Variants in LIME1 observed in about 807,000 individuals in gnomAD.
LIME1 encodes lck-interacting transmembrane adapter 1.
A neutral mutation model predicts 18.8 loss-of-function variants in LIME1; 23 were observed. That is an observed-to-expected ratio of 1.22 (90% CI 0.88 to 1.73). The LOEUF is 1.73. LIME1 is among the 40% of genes most tolerant of loss of function. The probability of loss-of-function intolerance (pLI) is 0.00; values close to 1 mark genes in which losing one functional copy is unlikely to be tolerated. For missense variants in LIME1, 423 were observed against 396.8 expected, an observed-to-expected ratio of 1.07 and a Z score of -0.56; for synonymous variants, 177 against 182.3, an observed-to-expected ratio of 0.97 and a Z score of 0.23.
At chr20:63,736,831 C>T (rs2091994918) in intron 1 of LIME1, 119 bp downstream of exon 1, 3 of 986,444 alleles carry the variant, frequency 3.0e-6, no homozygotes, top group African/African-American at 3.5e-5. Context: ...CCCCAAACTC[C>T]AGAGACCACC....
At chr20:63,735,847 C>G (rs145192304), upstream of LIME1, 6 of 1,612,726 alleles carry the variant, frequency 3.7e-6, no homozygotes, top group Non-Finnish European at 4.2e-6. Flanking sequence ...TGGGGCAGCT[C>G]CGGGCTCAGG....
intron 1 of LIME1, chr20:63,737,181 G>A: frequency 9.6e-7 from 1 of 1,037,174 alleles, no homozygotes; most frequent in East Asian, 7.8e-5. Context: ...GGTGGAGTCT[G>A]TGGCCTGTGG....
At position 63,738,902 on chromosome 20, in the gene LIME1, C is replaced by A; in HGVS notation, c.*2C>A. ...CCCCTCCCTGCCTCCCTGCCCTGAACACTCAAGGACCTGTGCTCCTTCCTC... is the reference window on the plus strand; with the variant it reads ...CCCCTCCCTGCCTCCCTGCCCTGAAAACTCAAGGACCTGTGCTCCTTCCTC... On this transcript the variant is annotated 3_prime_UTR_variant, in exon 6 of 6. Coordinates refer to ENST00000309546, the MANE Select transcript of LIME1 (RefSeq NM_017806.4). The A allele has an allele frequency of 1.3e-6, 2 of 1,588,682 alleles. No individual in the cohort carries two copies. Among genetic ancestry groups the A allele is most frequent in the Non-Finnish European group, 1.7e-6 (2 of 1,168,098 alleles).
chr20:63,737,318 C>T, intron 1 of LIME1: 5 of 1,283,520 alleles, frequency 3.9e-6, no homozygotes, highest in Non-Finnish European at 4.9e-6. Context: ...AGGGGCCAGG[C>T]AGAGCAGCCC....
chr20:63,737,896 G>T lies in LIME1; in HGVS notation c.174G>T (p.Ala58=), dbSNP rs1333758816. The change falls in exon 3 of 6, where the codon GCG becomes GCT. Residue 58 remains alanine, a synonymous_variant. Transcript: ENST00000309546. ...GGCTGCAGGGCAGTGCGACGGCGGC[G>T]GAAGCGGTGAGTGCCAGGCTGTCCC... The part of the protein sequence containing the change: ...RARLQGSATA[A]EASLLRRTHL... 6.3e-7 allele frequency: 1 copy of T among 1,580,918 alleles called. No individual in the cohort carries two copies. The highest frequency in any genetic ancestry group is 8.6e-7 in the Non-Finnish European group (1 of 1,167,858).
upstream of LIME1, chr20:63,735,904 G>A: frequency 6.2e-7 from 1 of 1,612,646 alleles, no homozygotes. Context: ...CCCACAAGAA[G>A]ATGACTGAGT....
Position 63,738,665 on chromosome 20 carries a change from T to C in LIME1, c.653T>C (p.Leu218Pro). ...GACCCAGGACCCACCACAGACCCGC[T>C]GGACCCCAAGGGCCAGGGAGCGATT... ...RRDPGPTTDP[L>P]DPKGQGAILA... is the part of the protein sequence containing the mutation. The change falls in exon 6 of 6, where the codon CTG (leucine) becomes CCG (proline). Residue 218 changes from leucine to proline, a missense_variant. Leu to Pro is a moderately conservative substitution (Grantham distance 98). Coordinates refer to ENST00000309546, the MANE Select transcript of LIME1 (RefSeq NM_017806.4). The C allele has an allele frequency of 6.2e-7, 1 of 1,612,056 alleles. No individual in the cohort carries two copies. The highest frequency in any genetic ancestry group is 1.1e-5 in the South Asian group (1 of 91,046).
intron 4 of LIME1, 52 bp from the exon 5 acceptor site, chr20:63,738,131 A>AC (rs1409098874): frequency 1.3e-6 from 2 of 1,526,182 alleles, no homozygotes; most frequent in African/African-American, 2.8e-5. Flanking sequence ...CCTGGGCCAG[A>AC]CCCGCTCCTG....
chr20:63,737,398 G>T (rs1202480058), intron 1 of LIME1, 135 bp from the exon 2 acceptor site: 2 of 1,353,848 alleles, frequency 1.5e-6, no homozygotes, highest in African/African-American at 1.5e-5. Context: ...CCAGGCCTTG[G>T]GGCTTCCTGT....
chr20:63,738,567 A>G (rs1484235155), intron 5 of LIME1, 31 bp from the exon 6 acceptor site: 28 of 1,531,286 alleles, frequency 1.8e-5, no homozygotes, highest in Non-Finnish European at 2.5e-5. Context: ...GATGGTGCTG[A>G]CCCCTCCTCG....
chr20:63,737,765 G>A, intron 2 of LIME1, 56 bp from the exon 3 acceptor site: 2 of 1,423,798 alleles, frequency 1.4e-6, no homozygotes, highest in Non-Finnish European at 1.8e-6. Flanking sequence ...GCCTGCACCG[G>A]GCCTTGGACC....
chr20:63,736,928 A>G, intron 1 of LIME1: 1 of 985,602 alleles, frequency 1.0e-6, no homozygotes, highest in Non-Finnish European at 1.2e-6. Flanking sequence ...AAGATCCCCA[A>G]GAAGGGGACA....
At chr20:63,736,441 C>T (rs1212171278), upstream of LIME1, 5 of 225,282 alleles carry the variant, frequency 2.2e-5, no homozygotes, top group Non-Finnish European at 3.1e-5. Flanking sequence ...GGTTCTGTGC[C>T]AGCTCTGCTC....
At position 63,738,012 on chromosome 20, in the gene LIME1, T is replaced by C. The variant is rs1187355793; in HGVS notation, c.220T>C (p.Ser74Pro). The C allele has an allele frequency of 3.8e-6, 6 of 1,568,870 alleles. No individual in the cohort carries two copies. The highest frequency in any genetic ancestry group is 5.2e-6 in the Non-Finnish European group (6 of 1,161,446). Residue 74 changes from serine to proline, a missense_variant, in exon 4 of 6, where the codon TCG becomes CCG. By Grantham distance (74) the Ser-to-Pro change is moderately conservative (BLOSUM62 -1). Transcript: ENST00000309546. ...GACCCACCTCTGCTCCCTCAGCAAG[T>C]CGGACACCAGACTGCACGAGCTGCA... Reference protein sequence around the residue: ...RRTHLCSLSKSDTRLHELHRG... With the variant: ...RRTHLCSLSKPDTRLHELHRG...
chr20:63,738,988 C>G lies in LIME1; in HGVS notation c.*88C>G. On this transcript the variant is annotated 3_prime_UTR_variant, in exon 6 of 6. Transcript: ENST00000309546. Reference sequence around the variant, plus strand: ...ACAGCTGACAGCGCCAGTCCCAGGTCCCCGGGCTGCCAGCCCGTGAGGTCC... The same window carrying G: ...ACAGCTGACAGCGCCAGTCCCAGGTGCCCGGGCTGCCAGCCCGTGAGGTCC... The G allele has an allele frequency of 4.7e-6, 6 of 1,277,698 alleles. 1 individual carries two copies. The highest frequency in any genetic ancestry group is 6.3e-6 in the Non-Finnish European group (6 of 947,712). The allele number at this position is 1,277,698 out of a possible 1,614,324, so 79.1% of individuals were successfully genotyped here.
chr20:63,737,787 A>AGCCCC, intron 2 of LIME1, 34 bp from the exon 3 acceptor site: 8 of 1,322,750 alleles, frequency 6.0e-6, no homozygotes, highest in Non-Finnish European at 8.0e-6. Flanking sequence ...GAGGCTGACG[A>AGCCCC]CCCCGCCCCC....
At chr20:63,736,532 C>T (rs532196196), upstream of LIME1, 13 of 803,954 alleles carry the variant, frequency 1.6e-5, no homozygotes, top group Admixed American at 1.2e-4. Context: ...ATCTAGGCTT[C>T]GGGCGGGGCG....
At chr20:63,737,476 C>G in intron 1 of LIME1, 57 bp from the exon 2 acceptor site, 1 of 1,404,092 alleles carries the variant, frequency 7.1e-7, no homozygotes, top group South Asian at 1.6e-5. Flanking sequence ...TTTGGGGCTG[C>G]CAGGTGGCGC....
In LIME1 at chr20:63,737,643, C is replaced by G; in HGVS notation, c.94C>G (p.Arg32Gly). ...LSLWALCTAC[R>G]RPEDAVAPRK... is the part of the protein sequence containing the mutation. ...GCTGTGGGCGCTGTGCACAGCCTGC[C>G]GCAGGTAGGTCCCTCAGCCGCGTTC... Residue 32 changes from arginine to glycine, a missense_variant, in exon 2 of 6, where the codon CGC (arginine) becomes GGC (glycine). Coordinates refer to ENST00000309546, the MANE Select transcript of LIME1 (RefSeq NM_017806.4). 3 of 1,586,656 alleles carry G rather than the reference C, an allele frequency of 1.9e-6. No individual in the cohort carries two copies. Among genetic ancestry groups the G allele is most frequent in the Non-Finnish European group, 2.6e-6 (3 of 1,168,992 alleles).
Sources: gnomAD v4.1 joint callset for allele counts on GRCh38, gnomAD v4.1.1 for gene constraint, MANE v1.5 for transcripts, NCBI Gene and HGNC (gene_info 2026-07-23, HGNC 2026-07-21) for gene names.